LTBP4: variants seen among roughly 807,000 people sequenced by gnomAD.
LTBP4 encodes latent-transforming growth factor beta-binding protein 4.
A neutral mutation model predicts 180.2 loss-of-function variants in LTBP4; 93 were observed. That is an observed-to-expected ratio of 0.52 (90% CI 0.44 to 0.61). LTBP4 has a LOEUF of 0.61. LTBP4 is among the 20% of genes least tolerant of loss of function. The pLI is 0.00. For missense variants in LTBP4, 2,116 were observed against 2,256.5 expected (o/e 0.94, Z 1.26); for synonymous variants, 947 against 934.5 (o/e 1.01, Z -0.24).
At chr19:40,603,688 T>C (rs2081439009) in intron 1 of LTBP4, among the ~76,000 whole-genome samples, 1 of 152,186 alleles carries the variant, frequency 6.6e-6, no homozygotes. Context: ...CTCTCTACAG[T>C]TGTGGCTCAG....
At chr19:40,623,507 G>A in intron 24 of LTBP4, 97 bp from the exon 25 acceptor site, 1 of 1,415,986 alleles carries the variant, frequency 7.1e-7, no homozygotes, top group Non-Finnish European at 9.5e-7. Context: ...TCTACTTCTT[G>A]GTCTATCACC....
At chr19:40,614,150 C>A in intron 18 of LTBP4, 112 bp downstream of exon 18, 2 of 1,453,202 alleles carry the variant, frequency 1.4e-6, no homozygotes, top group Non-Finnish European at 1.9e-6. Flanking sequence ...TTACCTCTTT[C>A]CCCCGCCTCC....
chr19:40,620,975 C>G (rs2081582776), intron 22 of LTBP4, among the ~76,000 whole-genome samples: 1 of 151,072 alleles, frequency 6.6e-6, no homozygotes. Context: ...GAGTTTTGCT[C>G]TTGTTGCCCA....
rs757073472 is a variant in LTBP4 at position 40,605,356 on chromosome 19, C to A, written c.443-49C>A. 1 of 1,606,008 alleles carries A rather than the reference C, an allele frequency of 6.2e-7. No homozygotes were observed. The highest frequency in any genetic ancestry group is 1.1e-5 in the South Asian group (1 of 90,426). On this transcript the variant is annotated intron_variant, in intron 2 of 29. Transcript: ENST00000396819. This position sits in a 1 kb window ranked among gnomAD's most constrained non-coding sequence, Gnocchi z 5.5. ...CCTCCCCGCCTTGTCTAGCCCCACCCCGTAAGAACCCGTGTAGACATCCGT... is the reference window on the plus strand; with the variant it reads ...CCTCCCCGCCTTGTCTAGCCCCACCACGTAAGAACCCGTGTAGACATCCGT...
upstream of LTBP4, chr19:40,599,386 C>T: frequency 1.2e-6 from 2 of 1,609,912 alleles, no homozygotes; most frequent in South Asian, 1.1e-5. Context: ...ACTTGGTCCC[C>T]TCCTTCCCCA....
In LTBP4 at chr19:40,606,486, C is replaced by T. The variant is rs1254050133; in HGVS notation, c.951C>T (p.Pro317=). Residue 317 remains proline, a synonymous_variant, in exon 6 of 30, where the codon CCC becomes CCT. Transcript: ENST00000396819. ...NTRGGYTCVC[P]DGFLLDSSRS... is the part of the protein sequence containing the mutation. ...GCGGCGGGTACACGTGTGTGTGCCC[C>T]GACGGCTTTCTGCTCGACTCGTCCC... 1 of 1,577,136 alleles carries T rather than the reference C, an allele frequency of 6.3e-7. No homozygotes were observed. Among genetic ancestry groups the T allele is most frequent in the South Asian group, 1.2e-5 (1 of 85,996 alleles).
In LTBP4 at chr19:40,629,749, T is replaced by C; in HGVS notation, c.*199T>C. The C allele has an allele frequency of 2.3e-6, 1 of 444,232 alleles. No individual in the cohort carries two copies. The highest frequency in any genetic ancestry group is 3.6e-6 in the Non-Finnish European group (1 of 277,422). 27.5% of individuals were successfully genotyped at this position (444,232 alleles called of 1,614,324 possible). A position where few individuals can be genotyped will look rare whatever the true frequency, so the allele number is the denominator to read the frequency against. ...CCCACTGATGTCGTGGTCCCGGGCC[T>C]GGCCCAGGGGCCCCTTTACATGCCC... On this transcript the variant is annotated 3_prime_UTR_variant, in exon 30 of 30. Coordinates refer to ENST00000396819, the MANE Select transcript of LTBP4 (RefSeq NM_001042545.2). This position sits in a 1 kb window ranked among gnomAD's most constrained non-coding sequence, Gnocchi z 4.5.
upstream of LTBP4, chr19:40,599,785 C>G (rs2081411050): frequency 1.7e-6 from 1 of 582,932 alleles, no homozygotes; most frequent in South Asian, 2.2e-5. Flanking sequence ...TTCTAGTTAC[C>G]TGTCTCTTTT....
chr19:40,620,943 G>GT (rs879638174), intron 22 of LTBP4, among the ~76,000 whole-genome samples: 118 of 146,868 alleles, frequency 8.0e-4, no homozygotes, highest in Middle Eastern at 3.6e-3. Flanking sequence ...CCAACAGCCA[G>GT]TTTTTTTTTT....
At chr19:40,600,032 C>A, upstream of LTBP4, 1 of 1,150,606 alleles carries the variant, frequency 8.7e-7, no homozygotes, top group Non-Finnish European at 1.1e-6. The surrounding 1 kb of genome is among the most constrained non-coding windows in gnomAD (Gnocchi z 4.4). Flanking sequence ...TCAGTTTAAC[C>A]CGGTGACAGC....
Position 40,608,362 on chromosome 19 carries a change from A to G in LTBP4, c.1299A>G (p.Pro433=), listed in dbSNP as rs1358920446. ...GTACCCTGCCAGCCACCTCTCGGCC[A>G]TCTGCAGGTGAGCTGGCTCTGGCAG... ...QPRTLPATSR[P]SAGFLPTHRL... Residue 433 remains proline, a synonymous_variant, in exon 8 of 30, where the codon CCA becomes CCG. Coordinates refer to ENST00000396819, the MANE Select transcript of LTBP4 (RefSeq NM_001042545.2). The G allele has an allele frequency of 6.2e-7, 1 of 1,612,722 alleles. No individual in the cohort carries two copies. The highest frequency in any genetic ancestry group is 2.2e-5 in the East Asian group (1 of 44,852).
At position 40,609,360 on chromosome 19, in the gene LTBP4, G is replaced by A. The variant is rs1286043989; in HGVS notation, c.1427-170G>A. ...GAGGGGATTCGGCCAAGGATCTGAT[G>A]AGAACGTTCCAGGATAAAAAAGATG... On this transcript the variant is annotated intron_variant, in intron 9 of 29. Coordinates refer to ENST00000396819, the MANE Select transcript of LTBP4 (RefSeq NM_001042545.2). This position sits in a 1 kb window ranked among gnomAD's most constrained non-coding sequence, Gnocchi z 4.9. Among the ~76,000 whole-genome samples, 1 of 152,172 alleles carries A rather than the reference G, an allele frequency of 6.6e-6. No homozygotes were observed. The highest frequency in any genetic ancestry group is 2.4e-5 in the African/African-American group (1 of 41,420).
chr19:40,599,429 A>G, upstream of LTBP4: 1 of 1,613,780 alleles, frequency 6.2e-7, no homozygotes, highest in Non-Finnish European at 8.5e-7. Flanking sequence ...AGCCTTCTGC[A>G]GGGTCCGAAG....
chr19:40,620,547 G>A (rs1156557879), intron 22 of LTBP4, among the ~76,000 whole-genome samples: 2 of 151,816 alleles, frequency 1.3e-5, no homozygotes, highest in African/African-American at 2.4e-5. Context: ...AGGCCAAGGC[G>A]GGAGGATCAC....
At chr19:40,601,668 G>T in intron 1 of LTBP4, 31 bp downstream of exon 1, 1 of 1,319,856 alleles carries the variant, frequency 7.6e-7, no homozygotes, top group African/African-American at 1.5e-5. Flanking sequence ...CCGAGAGAGC[G>T]GCTCCGGGGG....
intron 12 of LTBP4, 96 bp downstream of exon 12, chr19:40,610,753 G>A: frequency 1.4e-6 from 2 of 1,469,884 alleles, no homozygotes; most frequent in South Asian, 1.4e-5. Context: ...GGCAAAGCGA[G>A]TTGATTTGGA....
At position 40,611,293 on chromosome 19, in the gene LTBP4, C is replaced by T. The variant is rs553642363; in HGVS notation, c.1952C>T (p.Pro651Leu). Reference protein sequence around the residue: ...EEDVDECAQEPPPCGPGRCDN... With the variant: ...EEDVDECAQELPPCGPGRCDN... ...GATGTGGATGAGTGTGCCCAGGAGC[C>T]GCCGCCCTGTGGGCCCGGCCGCTGT... Residue 651 changes from proline to leucine, a missense_variant, in exon 13 of 30, where the codon CCG becomes CTG. Physicochemically the swap from Pro to Leu is moderately conservative, Grantham distance 98 (BLOSUM62 -3). Coordinates refer to ENST00000396819, the MANE Select transcript of LTBP4 (RefSeq NM_001042545.2). The surrounding 1 kb of genome is among the most constrained non-coding windows in gnomAD (Gnocchi z 4.4). The T allele has an allele frequency of 1.7e-5, 28 of 1,611,754 alleles. No homozygotes were observed. Among genetic ancestry groups the T allele is most frequent in the Admixed American group, 5.0e-5 (3 of 59,684 alleles).
At chr19:40,593,655 A>T (rs927090619) in intron 1 of LTBP4, among the ~76,000 whole-genome samples, 12 of 151,240 alleles carry the variant, frequency 7.9e-5, no homozygotes, top group African/African-American at 2.9e-4. Flanking sequence ...GGAAATCTAG[A>T]ATATGGTGGT....
chr19:40,620,732 C>T (rs1682191980), intron 22 of LTBP4, among the ~76,000 whole-genome samples: 1 of 135,458 alleles, frequency 7.4e-6, no homozygotes, highest in Admixed American at 8.1e-5. Flanking sequence ...TGCACCACTG[C>T]ACTCCAGCCT....
Sources: allele counts gnomAD v4.1 joint callset (sites outside exome capture counted in the v4.1 genomes callset), GRCh38; gene constraint gnomAD v4.1.1; non-coding constraint Gnocchi (gnomAD v3.1); transcripts MANE v1.5; gene names NCBI Gene and HGNC (gene_info 2026-07-23, HGNC 2026-07-21).